The following KCNQ1 variants were observed in gnomAD, a reference collection of about 807,000 sequenced individuals.
KCNQ1 encodes the protein potassium voltage-gated channel subfamily Q member 1, also known as potassium voltage-gated channel subfamily KQT member 1.
Under a neutral mutation model 72.4 loss-of-function variants are expected in KCNQ1, and 49 were observed. The observed-to-expected ratio is 0.68, with a 90% CI of 0.54 to 0.86. The LOEUF is 0.86. Ranked by LOEUF, KCNQ1 falls within the 40% of genes least tolerant of loss-of-function variation. The pLI, the probability that KCNQ1 is intolerant of heterozygous loss-of-function variation, is 0.00. For synonymous variants in KCNQ1, 450 were observed against 412.6 expected (o/e 1.09, Z -1.10); for missense variants, 790 against 945.1 (o/e 0.84, Z 2.15).
intron 11 of KCNQ1, among the ~76,000 whole-genome samples, chr11:2,737,085 G>C (rs1845971164): frequency 6.6e-6 from 1 of 152,222 alleles, no homozygotes; most frequent in Admixed American, 6.5e-5. Context: ...GTCCAGAAGA[G>C]ATCCCAGCGG....
rs945849322 is a variant in KCNQ1 at position 2,712,505 on chromosome 11, G to A, written c.1514+50424G>A. On this transcript the variant is annotated intron_variant, in intron 11 of 15. Transcript: ENST00000155840. The surrounding 1 kb of genome is among the most constrained non-coding windows in gnomAD (Gnocchi z 6.4). ...TATTTAGGGATAGAGTGGAGATCTC[G>A]CCCACATATTCCCGAAGCCACCAGG... is the stretch of plus-strand genomic sequence containing the variant. Among the ~76,000 whole-genome samples, 2 of 150,942 alleles carry A rather than the reference G, an allele frequency of 1.3e-5. No individual in the cohort carries two copies. The highest frequency in any genetic ancestry group is 3.0e-5 in the Non-Finnish European group (2 of 67,684).
chr11:2,453,583 G>A (rs1846144950), intron 1 of KCNQ1, among the ~76,000 whole-genome samples: 1 of 152,212 alleles, frequency 6.6e-6, no homozygotes, highest in Non-Finnish European at 1.5e-5. Context: ...TTCACTCCTG[G>A]CGAGAGGGGT....
At chr11:2,833,538 G>A (rs1445624933) in intron 15 of KCNQ1, among the ~76,000 whole-genome samples, 7 of 152,204 alleles carry the variant, frequency 4.6e-5, no homozygotes, top group South Asian at 2.1e-4. Context: ...AGGGGTCCCC[G>A]AGCATCCCCA....
chr11:2,814,448 GGGTGGGTGGATGGATGGATGAGT>G (rs1847572252), intron 15 of KCNQ1, among the ~76,000 whole-genome samples: 1 of 151,666 alleles, frequency 6.6e-6, no homozygotes, highest in Admixed American at 6.6e-5. Flanking sequence ...ATGAAGAGAT[GGGTGGGTGGATGGATGGATGAGT>G]GGTGAATGAA....
rs1218137686 is a variant in KCNQ1 at position 2,642,352 on chromosome 11, A to AT, written c.1394-19603dup. 1 of 397,880 alleles carries AT rather than the reference A, an allele frequency of 2.5e-6. No homozygotes were observed. Among genetic ancestry groups the AT allele is most frequent in the African/African-American group, 2.1e-5 (1 of 48,528 alleles). The allele number at this position is 397,880 out of a possible 1,614,324, so 24.6% of individuals were successfully genotyped here. On this transcript the variant is annotated intron_variant, in intron 10 of 15. Transcript: ENST00000155840. This position sits in a 1 kb window ranked among gnomAD's most constrained non-coding sequence, Gnocchi z 4.3. ...CCTCTTTGGTTAAACTCATTCCTAGATTTTTTGTAGTGGTTGTAAAAGATA... is the reference window on the plus strand; with the variant it reads ...CCTCTTTGGTTAAACTCATTCCTAGATTTTTTTGTAGTGGTTGTAAAAGATA...
Position 2,848,098 on chromosome 11 carries a change from C to A in KCNQ1, c.*95C>A. ...CTGAAGGAGGCCACCTCCTAAAAGG[C>A]CCAGAGAGAAGAGCCCCACTCTCAG... On this transcript the variant is annotated 3_prime_UTR_variant, in exon 16 of 16. Transcript: ENST00000155840. 1 of 1,051,296 alleles carries A rather than the reference C, an allele frequency of 9.5e-7. No homozygotes were observed. 65.1% of individuals were successfully genotyped at this position (1,051,296 alleles called of 1,614,324 possible). A position where few individuals can be genotyped will look rare whatever the true frequency, so the allele number is the denominator to read the frequency against.
intron 11 of KCNQ1, among the ~76,000 whole-genome samples, chr11:2,760,293 G>C (rs1010435178): frequency 6.6e-6 from 1 of 152,184 alleles, no homozygotes; most frequent in Non-Finnish European, 1.5e-5. Context: ...GCAGGCGGGC[G>C]TGGAGGAGCT....
rs137951824 is a variant in KCNQ1 at position 2,510,812 on chromosome 11, C to T, written c.387-17116C>T. Among the ~76,000 whole-genome samples, 4 of 152,304 alleles carry T rather than the reference C, an allele frequency of 2.6e-5. No homozygotes were observed. The East Asian group carries it at 5.8e-4, about 22-fold the overall frequency. On this transcript the variant is annotated intron_variant, in intron 1 of 15. Coordinates refer to ENST00000155840, the MANE Select transcript of KCNQ1 (RefSeq NM_000218.3). ...TGGCACGCTCAGATGCACTCCTGGG[C>T]GTGGCCTTCCTCCGATCACAGTGTG...
intron 11 of KCNQ1, chr11:2,686,306 C>G: frequency 2.5e-6 from 1 of 398,756 alleles, no homozygotes; most frequent in Non-Finnish European, 4.4e-6. Flanking sequence ...ACAGACCACA[C>G]TAGTGTCACC....
intron 10 of KCNQ1, chr11:2,660,968 CTG>C (rs1429510227): frequency 2.5e-6 from 1 of 398,648 alleles, no homozygotes; most frequent in Non-Finnish European, 4.4e-6. Context: ...CCAATCTAAA[CTG>C]TGGACTATTA....
chr11:2,512,698 C>T (rs566503405), intron 1 of KCNQ1, among the ~76,000 whole-genome samples: 2 of 152,204 alleles, frequency 1.3e-5, no homozygotes, highest in African/African-American at 4.8e-5. Flanking sequence ...TGGGGCCACA[C>T]TCTCTGGTCC....
In KCNQ1 at chr11:2,526,422, G is replaced by A. The variant is rs1847506650; in HGVS notation, c.387-1506G>A. 6.6e-6 allele frequency among the ~76,000 whole-genome samples: 1 copy of A among 152,256 alleles called. No individual in the cohort carries two copies. The highest frequency in any genetic ancestry group is 1.5e-5 in the Non-Finnish European group (1 of 67,998). ...AGGTTTTGGCCCCAGTCCCAGCAGC[G>A]GGACTATGGCTGTGGGGAGGGAGGA... On this transcript the variant is annotated intron_variant, in intron 1 of 15. Transcript: ENST00000155840. This position sits in a 1 kb window ranked among gnomAD's most constrained non-coding sequence, Gnocchi z 6.1.
In KCNQ1 at chr11:2,547,698, T is replaced by C. The variant is rs903023873; in HGVS notation, c.477+19680T>C. The stretch of plus-strand genomic sequence containing the variant: ...AAACAATAAGCTGACTCCATTTCCA[T>C]CTTTTATAAGTTCAGACCCCCACAA... On this transcript the variant is annotated intron_variant, in intron 2 of 15. Transcript: ENST00000155840. This position sits in a 1 kb window ranked among gnomAD's most constrained non-coding sequence, Gnocchi z 4.2. Among the ~76,000 whole-genome samples the C allele has an allele frequency of 6.6e-6, 1 of 152,200 alleles. No individual in the cohort carries two copies. The highest frequency in any genetic ancestry group is 1.5e-5 in the Non-Finnish European group (1 of 68,032).
intron 10 of KCNQ1, among the ~76,000 whole-genome samples, chr11:2,590,019 G>A (rs1426977675): frequency 6.6e-6 from 1 of 152,172 alleles, no homozygotes; most frequent in Non-Finnish European, 1.5e-5. Context: ...CTCCCTGGGA[G>A]CTCCAACTTC....
chr11:2,505,668 T>C (rs179407), intron 1 of KCNQ1, among the ~76,000 whole-genome samples: 13,650 of 152,278 alleles, frequency 0.09, 709 homozygotes, highest in Middle Eastern at 0.16. Context: ...TAAATGTTTA[T>C]AATGGTTATC....
rs1845026909 is a variant in KCNQ1, at chr11:2,772,664, T to C, written c.1591-3296T>C. Among the ~76,000 whole-genome samples, 1 of 152,170 alleles carries C rather than the reference T, an allele frequency of 6.6e-6. No homozygotes were observed. Among genetic ancestry groups the C allele is most frequent in the South Asian group, 2.1e-4 (1 of 4,826 alleles). On this transcript the variant is annotated intron_variant, in intron 12 of 15. Transcript: ENST00000155840. This position sits in a 1 kb window ranked among gnomAD's most constrained non-coding sequence, Gnocchi z 6.6. ...CTGTGGCTGAAGGTGCAGGGAGCTC[T>C]CTGCTGATAGGCCCACCCAGCCCTG...
chr11:2,587,636 G>T lies in KCNQ1; in HGVS notation c.1195G>T (p.Ala399Ser), dbSNP rs571899254. Reference sequence around the variant, plus strand: ...CACCTGGAAGATCTACATCCGGAAGGCCCCCCGGAGCCACACTCTGCTGTC... The same window carrying T: ...CACCTGGAAGATCTACATCCGGAAGTCCCCCCGGAGCCACACTCTGCTGTC... ...SSTWKIYIRKAPRSHTLLSPS... is the reference protein window; with the variant it reads ...SSTWKIYIRKSPRSHTLLSPS... Residue 399 changes from alanine (A) to serine (S), a missense_variant, in exon 9 of 16, where the codon GCC (alanine) becomes TCC (serine). Physicochemically the swap from Ala to Ser is moderately conservative, Grantham distance 99. This residue lies in a region of KCNQ1 where 178 missense variants were observed against 177.9 expected (regional missense o/e 1.00). Coordinates refer to ENST00000155840, the MANE Select transcript of KCNQ1 (RefSeq NM_000218.3). The T allele has an allele frequency of 3.4e-5, 55 of 1,613,864 alleles. No homozygotes were observed. In the South Asian group the frequency reaches 4.8e-4, roughly 14 times the overall value.
rs1846462004 is a variant in KCNQ1 at position 2,764,564 on chromosome 11, T to C, written c.1515-4280T>C. ...TCAAGGTTATGCTGCCTTATGAAAATACTTGTATAAAATTGACATTATTTT... is the reference window on the plus strand; with the variant it reads ...TCAAGGTTATGCTGCCTTATGAAAACACTTGTATAAAATTGACATTATTTT... On this transcript the variant is annotated intron_variant, in intron 11 of 15. Transcript: ENST00000155840. This position sits in a 1 kb window ranked among gnomAD's most constrained non-coding sequence, Gnocchi z 4.8. Among the ~76,000 whole-genome samples, 1 of 152,174 alleles carries C rather than the reference T, an allele frequency of 6.6e-6. No individual in the cohort carries two copies.
intron 11 of KCNQ1, chr11:2,688,945 C>G (rs548722378): frequency 5.0e-5 from 20 of 398,862 alleles, no homozygotes; most frequent in Admixed American, 1.8e-4. Context: ...CTGTCACCCA[C>G]TGGGCCTAGG....
Sources: gnomAD v4.1 joint callset for allele counts (sites outside exome capture counted in the v4.1 genomes callset) on GRCh38, gnomAD v4.1.1 for gene constraint, gnomAD v4.1.1 regional missense constraint, Gnocchi (gnomAD v3.1) non-coding constraint, MANE v1.5 for transcripts, NCBI Gene and HGNC (gene_info 2026-07-23, HGNC 2026-07-21) for gene names.